The following SLC1A1 variants were observed in gnomAD, a reference collection of about 807,000 sequenced individuals.
SLC1A1 encodes the protein solute carrier family 1 member 1, also known as excitatory amino acid transporter 3.
In SLC1A1, 43 loss-of-function variants were observed where a neutral mutation model predicts 53.3. That is an observed-to-expected ratio of 0.81 (90% CI 0.63 to 1.04). The LOEUF is 1.04. Among genes scored for constraint, SLC1A1 ranks in the 50% least tolerant of loss-of-function variants. The pLI, the probability that SLC1A1 is intolerant of heterozygous loss-of-function variation, is 0.00. For missense variants in SLC1A1, 748 were observed against 664.9 expected (o/e 1.12, Z -1.37); for synonymous variants, 307 against 243.2 (o/e 1.26, Z -2.44).
chr9:4,522,633 G>T (rs1053527348), intron 1 of SLC1A1, among the ~76,000 whole-genome samples: 1 of 152,124 alleles, frequency 6.6e-6, no homozygotes, highest in Non-Finnish European at 1.5e-5. Flanking sequence ...AAAGTTCTGC[G>T]TGGCTGGGGA....
At chr9:4,573,208 C>T (rs957760474) in intron 7 of SLC1A1, among the ~76,000 whole-genome samples, 2 of 152,180 alleles carry the variant, frequency 1.3e-5, no homozygotes, top group Non-Finnish European at 2.9e-5. Flanking sequence ...TCTTAGGATG[C>T]ATCTGTCTCG....
At chr9:4,502,579 G>C (rs1177268790) in intron 1 of SLC1A1, among the ~76,000 whole-genome samples, 1 of 151,418 alleles carries the variant, frequency 6.6e-6, no homozygotes, top group Non-Finnish European at 1.5e-5. Flanking sequence ...CAATGAGTTA[G>C]GGGGTTCCCA....
In SLC1A1 at chr9:4,571,546, G is replaced by A. The variant is rs570307355; in HGVS notation, c.583-658G>A. Reference sequence around the variant, plus strand: ...CAAAAAATTAATTGGGTGTGGGGGCGGATGCCTGTAATCCCAGCTACTAGG... The same window carrying A: ...CAAAAAATTAATTGGGTGTGGGGGCAGATGCCTGTAATCCCAGCTACTAGG... On this transcript the variant is annotated intron_variant, in intron 6 of 11. Coordinates refer to ENST00000262352, the MANE Select transcript of SLC1A1 (RefSeq NM_004170.6). Among the ~76,000 whole-genome samples, 32 of 152,094 alleles carry A rather than the reference G, an allele frequency of 2.1e-4. 1 individual carries two copies. In the South Asian group the frequency reaches 5.8e-3, roughly 28 times the overall value.
At chr9:4,516,620 G>C (rs1296520110) in intron 1 of SLC1A1, among the ~76,000 whole-genome samples, 1 of 152,156 alleles carries the variant, frequency 6.6e-6, no homozygotes, top group East Asian at 1.9e-4. Flanking sequence ...ATAAACAGCT[G>C]TCAACTGCCT....
chr9:4,543,233 A>G (rs1817167390), intron 1 of SLC1A1, among the ~76,000 whole-genome samples: 1 of 152,212 alleles, frequency 6.6e-6, no homozygotes, highest in Non-Finnish European at 1.5e-5. Context: ...CAAACTAATT[A>G]CTTGAGTTTT....
chr9:4,491,175 C>T (rs558269920), intron 1 of SLC1A1, among the ~76,000 whole-genome samples: 2 of 152,352 alleles, frequency 1.3e-5, no homozygotes, highest in South Asian at 2.1e-4. Context: ...CCTCGCTGCG[C>T]GGGCAGAGAT....
At chr9:4,526,011 A>T (rs1816246028) in intron 1 of SLC1A1, among the ~76,000 whole-genome samples, 1 of 152,170 alleles carries the variant, frequency 6.6e-6, no homozygotes, top group Non-Finnish European at 1.5e-5. Flanking sequence ...ATATACTGAA[A>T]AACAAAAACA....
intron 10 of SLC1A1, 21 bp downstream of exon 10, chr9:4,576,784 C>T: frequency 6.2e-7 from 1 of 1,603,264 alleles, no homozygotes; most frequent in Non-Finnish European, 8.5e-7. Context: ...GTGTCACATT[C>T]ATTGTCATCA....
At chr9:4,528,168 A>T (rs1176318671) in intron 1 of SLC1A1, among the ~76,000 whole-genome samples, 6 of 152,184 alleles carry the variant, frequency 3.9e-5, no homozygotes, top group African/African-American at 1.2e-4. Flanking sequence ...CCCCAAGGGA[A>T]AGACATCTGC....
chr9:4,578,296 G>A (rs539513092), intron 10 of SLC1A1, among the ~76,000 whole-genome samples: 1 of 152,138 alleles, frequency 6.6e-6, no homozygotes, highest in Non-Finnish European at 1.5e-5. Context: ...TTAAACTTCT[G>A]TTTTCTCATC....
chr9:4,547,721 AT>A (rs1312232312), intron 2 of SLC1A1, among the ~76,000 whole-genome samples: 4 of 150,832 alleles, frequency 2.7e-5, no homozygotes, highest in East Asian at 3.9e-4. Flanking sequence ...TCATGGTAGC[AT>A]TTTTTTGTAA....
rs35825973 is a variant in SLC1A1, at chr9:4,571,681, A to AAAATAAATAAAT, written c.583-508_583-497dup. On this transcript the variant is annotated intron_variant, in intron 6 of 11. Transcript: ENST00000262352. ...AACAGAGCGAGACTCCATCTCAGAA[A>AAAATAAATAAAT]AAATAAATAAATAAATAAATAAATA... Among the ~76,000 whole-genome samples the AAAATAAATAAAT allele has an allele frequency of 6.7e-5, 10 of 149,634 alleles. No individual in the cohort carries two copies. In the East Asian group the frequency reaches 9.9e-4, roughly 15 times the overall value.
rs1477487913 is a variant in SLC1A1 at position 4,556,623 on chromosome 9, G to A, written c.233-4826G>A. Among the ~76,000 whole-genome samples, 1 of 152,106 alleles carries A rather than the reference G, an allele frequency of 6.6e-6. No homozygotes were observed. Among genetic ancestry groups the A allele is most frequent in the Non-Finnish European group, 1.5e-5 (1 of 68,028 alleles). On this transcript the variant is annotated intron_variant, in intron 2 of 11. Coordinates refer to ENST00000262352, the MANE Select transcript of SLC1A1 (RefSeq NM_004170.6). This position sits in a 1 kb window ranked among gnomAD's most constrained non-coding sequence, Gnocchi z 4.1. ...GGCAAATGAGGTTTTACTTGTTTGG[G>A]ACTAAGTTGGGCCTGATCTTCGACG...
intron 1 of SLC1A1, among the ~76,000 whole-genome samples, chr9:4,491,254 T>C (rs949361536): frequency 2.6e-4 from 39 of 152,084 alleles, no homozygotes; most frequent in African/African-American, 8.7e-4. Context: ...GCCGGACCCT[T>C]AGGGGAGGGA....
intron 1 of SLC1A1, among the ~76,000 whole-genome samples, chr9:4,509,252 G>C (rs186121168): frequency 8.5e-5 from 13 of 152,134 alleles, no homozygotes; most frequent in Middle Eastern, 3.2e-3. Flanking sequence ...GCTGGGATTG[G>C]GGGGTGAGAA....
At chr9:4,531,439 C>A (rs993913849) in intron 1 of SLC1A1, among the ~76,000 whole-genome samples, 3 of 152,286 alleles carry the variant, frequency 2.0e-5, no homozygotes, top group Middle Eastern at 6.8e-3. Context: ...GGTCCTACGC[C>A]CGCAGAGACT....
rs1026369141 is a variant in SLC1A1 at position 4,583,817 on chromosome 9, A to C, written c.1328+645A>C. 6.6e-6 allele frequency among the ~76,000 whole-genome samples: 1 copy of C among 151,484 alleles called. No individual in the cohort carries two copies. The highest frequency in any genetic ancestry group is 6.6e-5 in the Admixed American group (1 of 15,078). ...TGGCAAGTTTTATTGTTATGATTAGAATGAGTTGGACCATTCAGGCCCCAA... is the reference window on the plus strand; with the variant it reads ...TGGCAAGTTTTATTGTTATGATTAGCATGAGTTGGACCATTCAGGCCCCAA... On this transcript the variant is annotated intron_variant, in intron 11 of 11. Coordinates refer to ENST00000262352, the MANE Select transcript of SLC1A1 (RefSeq NM_004170.6). The surrounding 1 kb of genome is among the most constrained non-coding windows in gnomAD (Gnocchi z 4.6).
intron 6 of SLC1A1, among the ~76,000 whole-genome samples, chr9:4,569,808 C>T (rs1269675447): frequency 6.6e-6 from 1 of 152,118 alleles, no homozygotes; most frequent in African/African-American, 2.4e-5. Context: ...TTATTCCTGC[C>T]TTTTGATGTT....
intron 2 of SLC1A1, 101 bp downstream of exon 2, chr9:4,544,808 G>T: frequency 9.9e-7 from 1 of 1,012,150 alleles, no homozygotes; most frequent in Non-Finnish European, 1.5e-6. Context: ...AGGTTTAATT[G>T]ACTCACAGTT....
Sources: gnomAD v4.1 joint callset for allele counts (sites outside exome capture counted in the v4.1 genomes callset) on GRCh38, gnomAD v4.1.1 for gene constraint, Gnocchi (gnomAD v3.1) non-coding constraint, MANE v1.5 for transcripts, NCBI Gene and HGNC (gene_info 2026-07-23, HGNC 2026-07-21) for gene names.